The following PTPRT variants were observed in gnomAD, a reference collection of about 807,000 sequenced individuals.
The protein encoded by PTPRT is receptor-type tyrosine-protein phosphatase T.
PTPRT carries 56 observed loss-of-function variants against 176.8 expected under a neutral mutation model. The observed-to-expected ratio is 0.32, with a 90% CI of 0.26 to 0.40. The LOEUF is 0.40. Ranked by LOEUF, PTPRT falls within the 10% of genes least tolerant of loss-of-function variation. PTPRT has a pLI of 1.00. For synonymous variants in PTPRT, 783 were observed against 739.0 expected (o/e 1.06, Z -0.96); for missense variants, 1,540 against 1,908.2 (o/e 0.81, Z 3.60).
rs569589978 is a variant in PTPRT at position 42,350,466 on chromosome 20, C to T, written c.1865+162G>A. ...CCCAGGTTTGCCTTGAACTCAGGGG[C>T]TCCCTTTGAACTGGGCTTGGGGCTG... On this transcript the variant is annotated intron_variant, in intron 11 of 30. Transcript: ENST00000373187. Among the ~76,000 whole-genome samples, 7 of 152,210 alleles carry T rather than the reference C, an allele frequency of 4.6e-5. No homozygotes were observed. In the East Asian group the frequency reaches 1.4e-3, roughly 29 times the overall value.
At chr20:43,097,324 G>A (rs1472531102) in intron 1 of PTPRT, among the ~76,000 whole-genome samples, 1 of 152,148 alleles carries the variant, frequency 6.6e-6, no homozygotes, top group Non-Finnish European at 1.5e-5. Flanking sequence ...CTCAGAAAAC[G>A]GGTTAAACCA....
At chr20:42,495,360 C>T (rs1410982153) in intron 7 of PTPRT, among the ~76,000 whole-genome samples, 1 of 152,288 alleles carries the variant, frequency 6.6e-6, no homozygotes, top group South Asian at 2.1e-4. Context: ...GTGCCTTCTG[C>T]ATTTGCAATT....
chr20:42,977,339 T>C (rs1793879416), intron 1 of PTPRT, among the ~76,000 whole-genome samples: 1 of 152,228 alleles, frequency 6.6e-6, no homozygotes, highest in Admixed American at 6.5e-5. Flanking sequence ...ACCCAGCTAG[T>C]AAATGCAAAG....
At chr20:42,788,575 C>T (rs760032824) in intron 3 of PTPRT, among the ~76,000 whole-genome samples, 17 of 152,312 alleles carry the variant, frequency 1.1e-4, no homozygotes, top group East Asian at 3.9e-4. Context: ...GCTTGCAGAT[C>T]TCCAGGATTG....
the PTPRT span, among the ~76,000 whole-genome samples, chr20:42,056,349 C>CAATATATAT: frequency 6.6e-6 from 1 of 152,092 alleles, no homozygotes. Context: ...TCTTTTGGCC[C>CAATATATAT]TTGGACAAAC....
chr20:42,828,306 G>A (rs2078030457), intron 2 of PTPRT, among the ~76,000 whole-genome samples: 1 of 152,180 alleles, frequency 6.6e-6, no homozygotes, highest in Non-Finnish European at 1.5e-5. Context: ...TTGAAACTGA[G>A]AGAGATAATT....
At chr20:42,575,815 C>T (rs967098845) in intron 7 of PTPRT, among the ~76,000 whole-genome samples, 1 of 152,102 alleles carries the variant, frequency 6.6e-6, no homozygotes, top group Non-Finnish European at 1.5e-5. Flanking sequence ...CTCCAGCGCC[C>T]ACACCCTCGC....
chr20:42,167,058 T>G (rs1222050928), intron 16 of PTPRT, among the ~76,000 whole-genome samples: 1 of 152,208 alleles, frequency 6.6e-6, no homozygotes, highest in African/African-American at 2.4e-5. Flanking sequence ...CAAATCTTTC[T>G]GCATCTCAGT....
chr20:42,920,482 G>T (rs1000570978), intron 1 of PTPRT, among the ~76,000 whole-genome samples: 2 of 152,104 alleles, frequency 1.3e-5, no homozygotes, highest in Non-Finnish European at 2.9e-5. Context: ...ATCTTGATGG[G>T]ATGGTGGTTA....
chr20:42,185,826 A>G (rs566305011), intron 16 of PTPRT, among the ~76,000 whole-genome samples: 1 of 152,280 alleles, frequency 6.6e-6, no homozygotes, highest in East Asian at 1.9e-4. Context: ...TTGAGGATAC[A>G]GTAATAAGCA....
At chr20:42,906,049 A>C (rs1230993045) in intron 1 of PTPRT, among the ~76,000 whole-genome samples, 1 of 152,134 alleles carries the variant, frequency 6.6e-6, no homozygotes, top group Non-Finnish European at 1.5e-5. Flanking sequence ...ACATACTTAA[A>C]GTATATATAT....
intron 1 of PTPRT, among the ~76,000 whole-genome samples, chr20:42,930,139 G>C (rs771263464): frequency 4.6e-5 from 7 of 152,204 alleles, no homozygotes; most frequent in Non-Finnish European, 1.0e-4. Flanking sequence ...GAAAGGACTT[G>C]GGGAGTGCTT....
chr20:42,709,914 C>CA (rs2076119175), intron 6 of PTPRT, among the ~76,000 whole-genome samples: 1 of 152,140 alleles, frequency 6.6e-6, no homozygotes, highest in Non-Finnish European at 1.5e-5. Flanking sequence ...TACACCCTAG[C>CA]AAAAAACTTG....
At chr20:43,054,372 G>A (rs73263937) in intron 1 of PTPRT, among the ~76,000 whole-genome samples, 2,549 of 152,094 alleles carry the variant, frequency 0.017, 67 homozygotes, top group African/African-American at 0.059. Context: ...TGGGCAACAC[G>A]GCGAAACTTC....
At chr20:42,921,112 C>T (rs566665161) in intron 1 of PTPRT, among the ~76,000 whole-genome samples, 178 of 152,060 alleles carry the variant, frequency 1.2e-3, no homozygotes, top group Non-Finnish European at 1.9e-3. Context: ...TGAGTGATTC[C>T]GATAATTATA....
intron 1 of PTPRT, among the ~76,000 whole-genome samples, chr20:43,148,902 C>T (rs1391223108): frequency 1.3e-5 from 2 of 152,158 alleles, no homozygotes; most frequent in African/African-American, 4.8e-5. Context: ...AGTATCTGCT[C>T]AAGAAATCTT....
At chr20:42,273,660 A>T (rs570512028) in intron 13 of PTPRT, among the ~76,000 whole-genome samples, 1 of 152,382 alleles carries the variant, frequency 6.6e-6, no homozygotes, top group African/African-American at 2.4e-5. Flanking sequence ...ACATATCAAT[A>T]CTAAGTTGTA....
chr20:42,042,060 C>G, the PTPRT span, among the ~76,000 whole-genome samples: 1 of 152,192 alleles, frequency 6.6e-6, no homozygotes, highest in African/African-American at 2.4e-5. Flanking sequence ...TCCTGCCAAG[C>G]ACTGGTACTG....
At chr20:43,091,353 G>A (rs2011844338) in intron 1 of PTPRT, among the ~76,000 whole-genome samples, 1 of 152,142 alleles carries the variant, frequency 6.6e-6, no homozygotes, top group African/African-American at 2.4e-5. Flanking sequence ...AATACTGAAT[G>A]TTAGAAGACG....
Sources: gnomAD v4.1 joint callset for allele counts (sites outside exome capture counted in the v4.1 genomes callset) on GRCh38, gnomAD v4.1.1 for gene constraint, MANE v1.5 for transcripts, NCBI Gene and HGNC (gene_info 2026-07-23, HGNC 2026-07-21) for gene names.